MYH15: variants seen among roughly 807,000 people sequenced by gnomAD.
MYH15 encodes the protein myosin heavy chain 15.
A neutral mutation model predicts 240.5 loss-of-function variants in MYH15; 227 were observed. That is an observed-to-expected ratio of 0.94 (90% CI 0.85 to 1.05). The LOEUF (loss-of-function observed/expected upper bound fraction) is 1.05. MYH15 is among the 50% of genes least tolerant of loss of function. The pLI is 0.00. For missense variants in MYH15, 2,217 were observed against 2,247.5 expected (o/e 0.99, Z 0.27); for synonymous variants, 785 against 796.7 (o/e 0.99, Z 0.25).
At chr3:108,529,418 A>G (rs2083697459), upstream of MYH15, 1 of 617,992 alleles carries the variant, frequency 1.6e-6, no homozygotes, top group African/African-American at 1.9e-5. Flanking sequence ...GGAAACATAC[A>G]AGATATATTT....
At chr3:108,525,283 A>G (rs1400672130) in intron 1 of MYH15, among the ~76,000 whole-genome samples, 1 of 152,118 alleles carries the variant, frequency 6.6e-6, no homozygotes, top group African/African-American at 2.4e-5. Flanking sequence ...ATAAATAATG[A>G]TGAATAAATG....
rs117675504 is a variant in MYH15 at position 108,483,284 on chromosome 3, A to G, written c.1114+1807T>C. ...TTTTAAAAATAGGCAAAGGACTTAAATAGACATTTCTCAAAAGATATACAA... is the reference window on the plus strand; with the variant it reads ...TTTTAAAAATAGGCAAAGGACTTAAGTAGACATTTCTCAAAAGATATACAA... On this transcript the variant is annotated intron_variant, in intron 11 of 40. Transcript: ENST00000693548. 9.9e-4 allele frequency among the ~76,000 whole-genome samples: 151 copies of G among 152,180 alleles called. 3 individuals are homozygous for G. The East Asian group carries it at 0.026, about 26-fold the overall frequency.
chr3:108,485,978 A>G (rs1257507774), intron 10 of MYH15, among the ~76,000 whole-genome samples: 1 of 152,226 alleles, frequency 6.6e-6, no homozygotes, highest in African/African-American at 2.4e-5. Flanking sequence ...ATAAAATCTT[A>G]AGTATCCACT....
chr3:108,498,635 T>C (rs2083412837), intron 5 of MYH15, among the ~76,000 whole-genome samples: 1 of 152,192 alleles, frequency 6.6e-6, no homozygotes, highest in Admixed American at 6.5e-5. Context: ...GTGGCAAATT[T>C]ATAGCCTCCT....
chr3:108,395,034 C>CG (rs2082449185), intron 35 of MYH15, among the ~76,000 whole-genome samples: 1 of 151,956 alleles, frequency 6.6e-6, no homozygotes, highest in South Asian at 2.1e-4. Flanking sequence ...GGGAGGCTGA[C>CG]GGGGGTGAAT....
At chr3:108,500,008 G>A in intron 4 of MYH15, 110 bp downstream of exon 4, 2 of 1,231,034 alleles carry the variant, frequency 1.6e-6, no homozygotes, top group South Asian at 1.7e-5. Flanking sequence ...CAAGTGATTA[G>A]CTAACTGTAA....
At chr3:108,410,350 C>T (rs1278228687) in intron 31 of MYH15, among the ~76,000 whole-genome samples, 2 of 152,076 alleles carry the variant, frequency 1.3e-5, no homozygotes, top group African/African-American at 4.8e-5. Context: ...TCAGCACTGG[C>T]TTCCTTTACA....
chr3:108,482,431 G>C (rs543825962), intron 11 of MYH15, among the ~76,000 whole-genome samples: 23 of 152,242 alleles, frequency 1.5e-4, no homozygotes, highest in African/African-American at 5.3e-4. Context: ...GAGAGTGGAG[G>C]AGATTACACA....
At chr3:108,532,317 A>G (rs1051803252), upstream of MYH15, among the ~76,000 whole-genome samples, 2 of 152,154 alleles carry the variant, frequency 1.3e-5, no homozygotes, top group African/African-American at 2.4e-5. Flanking sequence ...ACCTTATCCA[A>G]TCAAAAAATC....
In MYH15 at chr3:108,383,588, G is replaced by C; in HGVS notation, c.5766+7C>G. 1 of 1,612,282 alleles carries C rather than the reference G, an allele frequency of 6.2e-7. No homozygotes were observed. Among genetic ancestry groups the C allele is most frequent in the Non-Finnish European group, 8.5e-7 (1 of 1,179,038 alleles). On this transcript the variant is annotated splice_region_variant and intron_variant, in intron 40 of 40. Coordinates refer to ENST00000693548, the MANE Select transcript of MYH15 (RefSeq NM_014981.3). ...AGAGTTAGAACAGAGTTGAATATCT[G>C]CCATACCTTTTTCCCAAACTCTCTT...
Position 108,410,608 on chromosome 3 carries a change from G to C in MYH15, c.4470C>G (p.Leu1490=). The C allele has an allele frequency of 6.3e-7, 1 of 1,598,878 alleles. No individual in the cohort carries two copies. The highest frequency in any genetic ancestry group is 8.6e-7 in the Non-Finnish European group (1 of 1,167,734). Residue 1490 remains leucine, a synonymous_variant, in exon 31 of 41, where the codon CTC becomes CTG. Transcript: ENST00000693548. ...CTTGGAGGTTCTTGTTCTCCCTCCT[G>C]AGTGTCTCCTGGCCCACGATGCTCT... The part of the protein sequence containing the change: ...YEESIVGQET[L]RRENKNLQEE...
intron 1 of MYH15, among the ~76,000 whole-genome samples, chr3:108,507,222 AATGAATATATATATATATATATATAT>A (rs2083483926): frequency 1.1e-5 from 1 of 91,702 alleles, no homozygotes; most frequent in African/African-American, 4.2e-5. Flanking sequence ...TTTAAAGGAA[AATGAATATATATATATATATATATAT>A]ATATATATAT....
chr3:108,414,135 G>A, intron 30 of MYH15, 97 bp downstream of exon 30: 2 of 1,314,034 alleles, frequency 1.5e-6, no homozygotes. Flanking sequence ...GCAAGGATTT[G>A]TTAAGTGCAT....
In MYH15 at chr3:108,381,548, T is replaced by G; in HGVS notation, c.5778A>C (p.Glu1926Asp). The change falls in exon 41 of 41, where the codon GAA becomes GAC. Residue 1926 changes from glutamate to aspartate, a missense_variant. Glu to Asp is a conservative substitution (Grantham distance 45, BLOSUM62 2). Coordinates refer to ENST00000693548, the MANE Select transcript of MYH15 (RefSeq NM_014981.3). ...AREFGKKVQE[E>D] is the part of the protein sequence containing the mutation. ...TGTCCTTTCAAAGCAGGGGATGCTATTCTTCTTGAACCTGAAAAACAGAAT... is the reference window on the plus strand; with the variant it reads ...TGTCCTTTCAAAGCAGGGGATGCTAGTCTTCTTGAACCTGAAAAACAGAAT... The G allele has an allele frequency of 6.2e-7, 1 of 1,613,974 alleles. No individual in the cohort carries two copies. Among genetic ancestry groups the G allele is most frequent in the Non-Finnish European group, 8.5e-7 (1 of 1,179,828 alleles).
chr3:108,545,854 A>G, the MYH15 span, among the ~76,000 whole-genome samples: 1 of 152,106 alleles, frequency 6.6e-6, no homozygotes, highest in Non-Finnish European at 1.5e-5. Context: ...AGGATGCATG[A>G]TATTTTACTC....
chr3:108,525,945 T>C (rs1291318729), intron 1 of MYH15, among the ~76,000 whole-genome samples: 2 of 152,232 alleles, frequency 1.3e-5, no homozygotes, highest in African/African-American at 4.8e-5. Context: ...GGGCATATAG[T>C]AGGCAAACAA....
chr3:108,475,436 C>T (rs1576257341), intron 12 of MYH15, among the ~76,000 whole-genome samples: 1 of 152,230 alleles, frequency 6.6e-6, no homozygotes, highest in East Asian at 1.9e-4. Flanking sequence ...TTTCTCAGCC[C>T]CTTTCTGTAG....
chr3:108,505,837 G>GGA lies in MYH15; in HGVS notation c.89-9_89-8insTC. ...TCCAGCATTTCTTCTTCCCTGTAGAGCAAAAAAAAAAAAAAATGGATTATA... is the reference window on the plus strand; with the variant it reads ...TCCAGCATTTCTTCTTCCCTGTAGAGGACAAAAAAAAAAAAAAATGGATTATA... On this transcript the variant is annotated splice_polypyrimidine_tract_variant and intron_variant, in intron 1 of 40. Coordinates refer to ENST00000693548, the MANE Select transcript of MYH15 (RefSeq NM_014981.3). 7.3e-7 allele frequency: 1 copy of GGA among 1,369,206 alleles called. No homozygotes were observed. 84.8% of individuals were successfully genotyped at this position (1,369,206 alleles called of 1,614,324 possible). A position where few individuals can be genotyped will look rare whatever the true frequency, so the allele number is the denominator to read the frequency against.
chr3:108,541,994 A>C, the MYH15 span, among the ~76,000 whole-genome samples: 1 of 152,130 alleles, frequency 6.6e-6, no homozygotes, highest in African/African-American at 2.4e-5. Context: ...AAATCTGGTC[A>C]AAAAAATTAG....
Sources: gnomAD v4.1 joint callset for allele counts (sites outside exome capture counted in the v4.1 genomes callset) on GRCh38, gnomAD v4.1.1 for gene constraint, MANE v1.5 for transcripts, NCBI Gene and HGNC (gene_info 2026-07-23, HGNC 2026-07-21) for gene names.